Variants in PPP6R3 observed in about 807,000 individuals in gnomAD.
PPP6R3 encodes protein phosphatase 6 regulatory subunit 3.
Under a neutral mutation model 110.7 loss-of-function variants are expected in PPP6R3, and 38 were observed. The observed-to-expected ratio is 0.34, with a 90% CI of 0.26 to 0.45. The LOEUF (loss-of-function observed/expected upper bound fraction) is 0.45, where lower values mean the gene tolerates loss of function less well. Among genes scored for constraint, PPP6R3 ranks in the 20% least tolerant of loss-of-function variants. PPP6R3 has a pLI of 1.00. For synonymous variants in PPP6R3, 369 were observed against 373.5 expected, an observed-to-expected ratio of 0.99 and a Z score of 0.14; for missense variants, 870 against 1,062.4, an observed-to-expected ratio of 0.82 and a Z score of 2.52.
chr11:68,578,013 T>C (rs564238768), intron 14 of PPP6R3, among the ~76,000 whole-genome samples: 2 of 152,208 alleles, frequency 1.3e-5, no homozygotes, highest in Non-Finnish European at 2.9e-5. Flanking sequence ...TAAATACTTC[T>C]TCAATTCTTT....
At chr11:68,565,160 G>C (rs2153746715) in intron 9 of PPP6R3, among the ~76,000 whole-genome samples, 1 of 151,328 alleles carries the variant, frequency 6.6e-6, no homozygotes, top group South Asian at 2.1e-4. Flanking sequence ...CGAGTTATTG[G>C]GAATTTAGAA....
chr11:68,466,402 A>G (rs1450382133), intron 1 of PPP6R3, among the ~76,000 whole-genome samples: 2 of 149,012 alleles, frequency 1.3e-5, no homozygotes, highest in Non-Finnish European at 3.0e-5. Context: ...GTGGAAAGGT[A>G]TCTTATCTCT....
chr11:68,480,104 G>C (rs933492227), intron 1 of PPP6R3, among the ~76,000 whole-genome samples: 2 of 151,710 alleles, frequency 1.3e-5, no homozygotes. Flanking sequence ...TGCTTTTTCA[G>C]TTGTCTCTTT....
chr11:68,490,590 C>G (rs2098977729), intron 1 of PPP6R3, among the ~76,000 whole-genome samples: 2 of 151,866 alleles, frequency 1.3e-5, no homozygotes, highest in South Asian at 4.2e-4. Context: ...ATATGTTATA[C>G]CTTTTGTAGT....
intron 9 of PPP6R3, among the ~76,000 whole-genome samples, chr11:68,566,307 C>G (rs1433548010): frequency 6.6e-6 from 1 of 151,834 alleles, no homozygotes; most frequent in African/African-American, 2.4e-5. Flanking sequence ...CTTCCTTCCT[C>G]CTCCTCCTTC....
intron 9 of PPP6R3, 41 bp downstream of exon 9, chr11:68,564,473 T>A: frequency 6.2e-7 from 1 of 1,609,326 alleles, no homozygotes; most frequent in South Asian, 1.1e-5. Context: ...AGCGAGTAAT[T>A]TGGTTGAAAC....
At chr11:68,483,823 A>G (rs2098930289) in intron 1 of PPP6R3, among the ~76,000 whole-genome samples, 1 of 152,200 alleles carries the variant, frequency 6.6e-6, no homozygotes, top group Non-Finnish European at 1.5e-5. Context: ...ACATGTAGCC[A>G]CCATTGTAGT....
chr11:68,587,435 T>G (rs1308939031), intron 15 of PPP6R3: 1 of 161,182 alleles, frequency 6.2e-6, no homozygotes, highest in Non-Finnish European at 1.4e-5. Flanking sequence ...ACATTTTGTT[T>G]CTAGGATTAT....
chr11:68,530,615 TA>T, intron 2 of PPP6R3, among the ~76,000 whole-genome samples: 1 of 152,308 alleles, frequency 6.6e-6, no homozygotes, highest in South Asian at 2.1e-4. Flanking sequence ...GGCCAGTTAT[TA>T]AAAGGTATAG....
intron 1 of PPP6R3, among the ~76,000 whole-genome samples, chr11:68,493,651 A>G (rs1464933016): frequency 1.3e-5 from 2 of 148,346 alleles, no homozygotes; most frequent in African/African-American, 4.9e-5. Context: ...TATATATACA[A>G]AAAAATACAC....
chr11:68,533,704 CAAAAAAAAA>C (rs58617776), intron 2 of PPP6R3, among the ~76,000 whole-genome samples: 25 of 56,166 alleles, frequency 4.5e-4, no homozygotes, highest in East Asian at 2.4e-3. Context: ...GACCTTGTCT[CAAAAAAAAA>C]AAAAAAAAAA....
At position 68,545,016 on chromosome 11, in the gene PPP6R3, C is replaced by T. The variant is rs1248713049; in HGVS notation, c.406C>T (p.Pro136Ser). ...KVLSILISRKPEQIVDFLKKK... is the reference protein window; with the variant it reads ...KVLSILISRKSEQIVDFLKKK... ...GCTAAGTATTCTTATCAGCAGAAAA[C>T]CAGAACAGGTAAATATGATTTTCCA... The change falls in exon 4 of 24, where the codon CCA becomes TCA. Residue 136 changes from proline to serine, a missense_variant. Pro to Ser is a moderately conservative substitution (Grantham distance 74, BLOSUM62 -1). Coordinates refer to ENST00000393800, the MANE Select transcript of PPP6R3 (RefSeq NM_001164161.2). The T allele has an allele frequency of 2.5e-6, 4 of 1,598,214 alleles. No homozygotes were observed. The highest frequency in any genetic ancestry group is 3.3e-5 in the Admixed American group (2 of 59,850).
chr11:68,603,228 C>CT (rs1317591643), intron 21 of PPP6R3, 114 bp from the exon 22 acceptor site: 79 of 1,366,026 alleles, frequency 5.8e-5, no homozygotes, highest in Admixed American at 1.3e-4. Context: ...CCATCTCACT[C>CT]TTTTTTTTCT....
At chr11:68,465,432 A>T (rs1485249821) in intron 1 of PPP6R3, among the ~76,000 whole-genome samples, 2 of 151,820 alleles carry the variant, frequency 1.3e-5, no homozygotes, top group African/African-American at 4.8e-5. Context: ...GCTCATATTA[A>T]AATTTAGATT....
At chr11:68,462,087 G>A (rs1467276055) in intron 1 of PPP6R3, among the ~76,000 whole-genome samples, 1 of 152,172 alleles carries the variant, frequency 6.6e-6, no homozygotes, top group Non-Finnish European at 1.5e-5. Flanking sequence ...AAGTTTGTCA[G>A]GATAATTGCC....
chr11:68,510,675 A>C (rs773791985), intron 1 of PPP6R3, among the ~76,000 whole-genome samples: 1 of 152,126 alleles, frequency 6.6e-6, no homozygotes, highest in Non-Finnish European at 1.5e-5. Context: ...AAAGCTTTAT[A>C]TGTCCATATT....
chr11:68,519,295 G>T (rs368905667), intron 1 of PPP6R3, among the ~76,000 whole-genome samples: 1 of 152,154 alleles, frequency 6.6e-6, no homozygotes, highest in Non-Finnish European at 1.5e-5. Context: ...ACTGTTTAGG[G>T]TAGGATAAAA....
intron 2 of PPP6R3, among the ~76,000 whole-genome samples, chr11:68,526,762 C>T (rs904822040): frequency 7.2e-5 from 11 of 152,130 alleles, no homozygotes; most frequent in Non-Finnish European, 1.0e-4. Context: ...GAAACTTGTT[C>T]GTAGTAGAAA....
intron 2 of PPP6R3, among the ~76,000 whole-genome samples, chr11:68,536,751 G>A (rs923963247): frequency 6.6e-6 from 1 of 152,162 alleles, no homozygotes; most frequent in Non-Finnish European, 1.5e-5. Flanking sequence ...TCGTTTGGGG[G>A]TTACAGAGAG....
Sources: allele counts gnomAD v4.1 joint callset (sites outside exome capture counted in the v4.1 genomes callset), GRCh38; gene constraint gnomAD v4.1.1; transcripts MANE v1.5; gene names NCBI Gene and HGNC (gene_info 2026-07-23, HGNC 2026-07-21).